COL18A1: variants seen among roughly 807,000 people sequenced by gnomAD.
COL18A1 encodes the protein collagen alpha-1(XVIII) chain.
COL18A1 carries 133 observed loss-of-function variants against 168.0 expected under a neutral mutation model. The ratio of observed to expected loss-of-function variants is 0.79; its 90% confidence interval spans 0.69 to 0.91. COL18A1 has a LOEUF of 0.91. Among genes scored for constraint, COL18A1 ranks in the 40% least tolerant of loss-of-function variants. The pLI, the probability that COL18A1 is intolerant of heterozygous loss-of-function variation, is 0.00. For synonymous variants in COL18A1, 949 were observed against 809.0 expected (o/e 1.17, Z -2.94); for missense variants, 2,126 against 1,925.4 (o/e 1.10, Z -1.95).
In COL18A1 at chr21:45,473,598, T is replaced by C. The variant is rs961434305; in HGVS notation, c.652-297T>C. Among the ~76,000 whole-genome samples the C allele has an allele frequency of 4.6e-5, 7 of 152,126 alleles. No individual in the cohort carries two copies. Among genetic ancestry groups the C allele is most frequent in the African/African-American group, 1.7e-4 (7 of 41,420 alleles). On this transcript the variant is annotated intron_variant, in intron 3 of 41. Coordinates refer to ENST00000651438, the MANE Select transcript of COL18A1 (RefSeq NM_001379500.1). The surrounding 1 kb of genome is among the most constrained non-coding windows in gnomAD (Gnocchi z 4.0). ...TGGATCGAGCCACACCTGCTGTGGT[T>C]CTAAACCCGTAGCCCTCAGGTGGCC...
At chr21:45,485,703 G>GAGGC (rs1383684449) in intron 15 of COL18A1, among the ~76,000 whole-genome samples, 1 of 152,168 alleles carries the variant, frequency 6.6e-6, no homozygotes, top group Non-Finnish European at 1.5e-5. Flanking sequence ...GAGGAGACAG[G>GAGGC]AGGCAGTCGA....
intron 2 of COL18A1, chr21:45,455,652 C>T (rs938697545): frequency 6.2e-7 from 1 of 1,613,908 alleles, no homozygotes; most frequent in Non-Finnish European, 8.5e-7. Flanking sequence ...ACCAGCCATG[C>T]AGCTACCACG....
intron 2 of COL18A1, chr21:45,421,764 G>C: frequency 5.4e-6 from 2 of 372,424 alleles, no homozygotes; most frequent in Non-Finnish European, 5.3e-6. Context: ...GCAGCCAGGT[G>C]GACCACCGAG....
At chr21:45,485,487 C>A (rs1264490152) in intron 15 of COL18A1, among the ~76,000 whole-genome samples, 1 of 144,910 alleles carries the variant, frequency 6.9e-6, no homozygotes, top group Non-Finnish European at 1.5e-5. Flanking sequence ...CAGAGCGAGA[C>A]CCTGTGTCCA....
At chr21:45,455,493 G>T (rs948641424) in intron 2 of COL18A1, 16 of 1,608,064 alleles carry the variant, frequency 9.9e-6, no homozygotes, top group Non-Finnish European at 1.4e-5. Flanking sequence ...AGGCACAGAG[G>T]CCCTCCCGCC....
chr21:45,468,479 C>A lies in COL18A1; in HGVS notation c.344C>A (p.Ala115Glu), dbSNP rs367715239. 2 of 1,614,024 alleles carry A rather than the reference C, an allele frequency of 1.2e-6. No individual in the cohort carries two copies. Among genetic ancestry groups the A allele is most frequent in the South Asian group, 2.2e-5 (2 of 91,086 alleles). Residue 115 changes from alanine to glutamate, a missense_variant, in exon 3 of 42, where the codon GCG (alanine) becomes GAG (glutamate). By Grantham distance (107) the Ala-to-Glu change is moderately radical. Transcript: ENST00000651438. Reference protein sequence around the residue: ...PGVLFAITDSAQAMVLLGVKL... With the variant: ...PGVLFAITDSEQAMVLLGVKL... ...GTGCTGTTCGCCATCACGGACTCGG[C>A]GCAGGCCATGGTCTTGCTGGGCGTG...
chr21:45,489,975 A>ACTT (rs1163904824), intron 19 of COL18A1, among the ~76,000 whole-genome samples: 1 of 14,548 alleles, frequency 6.9e-5, no homozygotes, highest in African/African-American at 3.8e-4. Flanking sequence ...CTCCTCCCCC[A>ACTT]CACCCTCCCC....
rs948947342 is a variant in COL18A1 at position 45,463,673 on chromosome 21, G to A, written c.107-4569G>A. On this transcript the variant is annotated intron_variant, in intron 2 of 41. Coordinates refer to ENST00000651438, the MANE Select transcript of COL18A1 (RefSeq NM_001379500.1). This position sits in a 1 kb window ranked among gnomAD's most constrained non-coding sequence, Gnocchi z 4.0. ...AGCACTTTGGGATGCCGAGGCATGCGGATCGCCTGAGGTCGGGAGTTGGAG... is the reference window on the plus strand; with the variant it reads ...AGCACTTTGGGATGCCGAGGCATGCAGATCGCCTGAGGTCGGGAGTTGGAG... Among the ~76,000 whole-genome samples the A allele has an allele frequency of 2.6e-5, 4 of 152,244 alleles. No individual in the cohort carries two copies. The highest frequency in any genetic ancestry group is 2.1e-4 in the South Asian group (1 of 4,830).
rs549345311 is a variant in COL18A1, at chr21:45,456,744, C to T, written c.107-11498C>T. On this transcript the variant is annotated intron_variant, in intron 2 of 41. Transcript: ENST00000651438. ...TGCGGCAGCGTCCCGCCGCCCGCCC[C>T]GCCACCCTGCTGCCAGTTCTGCGAG... 1,949 of 1,537,308 alleles carry T rather than the reference C, an allele frequency of 1.3e-3. 6 individuals carry two copies. The highest frequency in any genetic ancestry group is 1.8e-3 in the Admixed American group (93 of 50,746).
chr21:45,405,336 C>CGCGGGGGTCGCGGGGCTCGGCCGGGTCCT (rs2033057757), intron 1 of COL18A1, 43 bp from the exon 2 acceptor site: 2 of 1,025,910 alleles, frequency 1.9e-6, no homozygotes, highest in South Asian at 4.7e-5. Flanking sequence ...CTGCGGGGGT[C>CGCGGGGGTCGCGGGGCTCGGCCGGGTCCT]GCGGGGGTCC....
intron 2 of COL18A1, among the ~76,000 whole-genome samples, chr21:45,451,977 T>C (rs2034632564): frequency 1.3e-5 from 2 of 152,238 alleles, no homozygotes; most frequent in Non-Finnish European, 2.9e-5. Flanking sequence ...ACGTGTGTCC[T>C]CTGTCTCTGG....
In COL18A1 at chr21:45,503,983, C is replaced by T. The variant is rs750753948; in HGVS notation, c.2684-28C>T. 6.4e-5 allele frequency: 103 copies of T among 1,613,010 alleles called. No homozygotes were observed. Among genetic ancestry groups the T allele is most frequent in the African/African-American group, 8.0e-5 (6 of 74,974 alleles). ...CCGGCGCTGTCAGACACCACCTCAG[C>T]GAGACCCCGCCTGTCTCTCTCTTGC... On this transcript the variant is annotated intron_variant, in intron 32 of 41. Transcript: ENST00000651438.
At chr21:45,484,216 C>G (rs1322103896) in intron 15 of COL18A1, among the ~76,000 whole-genome samples, 1 of 145,250 alleles carries the variant, frequency 6.9e-6, no homozygotes, top group Non-Finnish European at 1.5e-5. Flanking sequence ...TAGGCACACA[C>G]ATCTCCAGCA....
chr21:45,446,918 G>C (rs1251026095), intron 2 of COL18A1, among the ~76,000 whole-genome samples: 1 of 152,186 alleles, frequency 6.6e-6, no homozygotes, highest in Non-Finnish European at 1.5e-5. Context: ...CTCAATAGAT[G>C]CAGAGAAAGT....
Position 45,492,693 on chromosome 21 carries a change from C to T in COL18A1, c.2194C>T (p.Pro732Ser). The change falls in exon 24 of 42, where the codon CCG (proline) becomes TCG (serine). Residue 732 changes from proline (P) to serine (S), a missense_variant. By Grantham distance (74) the Pro-to-Ser change is moderately conservative (BLOSUM62 -1). Coordinates refer to ENST00000651438, the MANE Select transcript of COL18A1 (RefSeq NM_001379500.1). ...GCCGTCCCTCTTTCCCCAGGGCCGG[C>T]CGGGTTTCGCAGGCTTTCCCGTGAG... Reference protein sequence around the residue: ...VLSVPGPEGRPGFAGFPGPAG... With the variant: ...VLSVPGPEGRSGFAGFPGPAG... The T allele has an allele frequency of 6.2e-7, 1 of 1,610,694 alleles. No individual in the cohort carries two copies. Among genetic ancestry groups the T allele is most frequent in the Non-Finnish European group, 8.5e-7 (1 of 1,179,382 alleles).
chr21:45,438,022 T>A (rs1424599102), intron 2 of COL18A1, among the ~76,000 whole-genome samples: 25 of 34,312 alleles, frequency 7.3e-4, no homozygotes, highest in East Asian at 1.5e-3. Flanking sequence ...ACACACTCAC[T>A]CACACACAGA....
chr21:45,509,586 C>T lies in COL18A1; in HGVS notation c.3480C>T (p.Arg1160=), dbSNP rs370921955. Residue 1160 remains arginine, a synonymous_variant, in exon 39 of 42, where the codon CGC becomes CGT. Transcript: ENST00000651438. ...RPTSPPAHSH[R]DFQPVLHLVA... The stretch of plus-strand genomic sequence containing the variant: ...CAAGCCCACCCGCCCACAGCCACCG[C>T]GACTTCCAGCCGGTGGTGAGTGCCC... 727 of 1,512,602 alleles carry T rather than the reference C, an allele frequency of 4.8e-4. No homozygotes were observed. The highest frequency in any genetic ancestry group is 5.5e-4 in the Non-Finnish European group (618 of 1,127,656). 93.7% of individuals were successfully genotyped at this position (1,512,602 alleles called of 1,614,324 possible).
chr21:45,506,231 G>A lies in COL18A1; in HGVS notation c.3216+265G>A, dbSNP rs527369360. 6.7e-4 allele frequency: 336 copies of A among 500,618 alleles called. 2 individuals carry two copies. Among genetic ancestry groups the A allele is most frequent in the South Asian group, 1.0e-3 (51 of 49,034 alleles). 31.0% of individuals were successfully genotyped at this position (500,618 alleles called of 1,614,324 possible). On this transcript the variant is annotated intron_variant, in intron 37 of 41. Transcript: ENST00000651438. ...CCTGGTGGGTCATGTCACAGTGAAC[G>A]TTTACAAAGATAAATGTCACCTCAC...
intron 5 of COL18A1, 82 bp downstream of exon 5, chr21:45,475,617 C>G (rs1053957319): frequency 8.4e-7 from 1 of 1,196,086 alleles, no homozygotes; most frequent in Non-Finnish European, 1.2e-6. Flanking sequence ...CATGTGCACA[C>G]GCAGGTGTGG....
Sources: allele counts gnomAD v4.1 joint callset (sites outside exome capture counted in the v4.1 genomes callset), GRCh38; gene constraint gnomAD v4.1.1; non-coding constraint Gnocchi (gnomAD v3.1); transcripts MANE v1.5; gene names NCBI Gene and HGNC (gene_info 2026-07-23, HGNC 2026-07-21).